PUDP: variants seen among roughly 807,000 people sequenced by gnomAD.
PUDP encodes pseudouridine-5'-phosphatase.
Under a neutral mutation model 9.4 loss-of-function variants are expected in PUDP, and 8 were observed. The observed-to-expected ratio is 0.85, with a 90% CI of 0.50 to 1.53. The LOEUF (loss-of-function observed/expected upper bound fraction) is 1.53. Ranked by LOEUF, PUDP falls within the 40% of genes most tolerant of loss-of-function variation. PUDP has a pLI of 0.00. For synonymous variants in PUDP, 99 were observed against 80.7 expected, an observed-to-expected ratio of 1.23 and a Z score of -1.22; for missense variants, 188 against 189.7, an observed-to-expected ratio of 0.99 and a Z score of 0.05.
At chrX:6,806,794 G>A (rs918066828) in intron 3 of PUDP, among the ~76,000 whole-genome samples, 2 of 112,746 alleles carry the variant, frequency 1.8e-5, no homozygotes, top group Non-Finnish European at 3.7e-5. Flanking sequence ...CCTGAGAGGA[G>A]AGAAGCCCAG....
chrX:6,747,506 T>C (rs774753359), intron 3 of PUDP, among the ~76,000 whole-genome samples: 6 of 112,589 alleles, frequency 5.3e-5, no homozygotes, highest in African/African-American at 1.9e-4. Context: ...GATCATTGGC[T>C]AATGTTAATT....
At chrX:6,832,860 C>A (rs980252178) in intron 3 of PUDP, among the ~76,000 whole-genome samples, 1 of 111,371 alleles carries the variant, frequency 9.0e-6, no homozygotes, top group Non-Finnish European at 1.9e-5. Flanking sequence ...GCTGTGGAGG[C>A]CCTTCTGCAC....
intron 3 of PUDP, among the ~76,000 whole-genome samples, chrX:6,735,327 T>A (rs183112539): frequency 1.0e-3 from 115 of 111,411 alleles, no homozygotes; most frequent in African/African-American, 3.3e-3. Flanking sequence ...CACACTGCCC[T>A]CTTCTCCAGA....
At chrX:6,758,287 C>T (rs1226427529) in intron 3 of PUDP, among the ~76,000 whole-genome samples, 1 of 110,413 alleles carries the variant, frequency 9.1e-6, no homozygotes, top group Non-Finnish European at 1.9e-5. Context: ...CAAGGTGATA[C>T]CCGGTCTCTA....
chrX:6,744,851 A>G (rs1043251683), intron 3 of PUDP, among the ~76,000 whole-genome samples: 1 of 112,232 alleles, frequency 8.9e-6, no homozygotes, highest in Non-Finnish European at 1.9e-5. Flanking sequence ...AAACCTAGAT[A>G]GATGGAAGCA....
chrX:6,737,006 G>GT (rs1488917416), intron 3 of PUDP, among the ~76,000 whole-genome samples: 10 of 111,342 alleles, frequency 9.0e-5, no homozygotes, highest in South Asian at 3.8e-4. Context: ...TAAAATAACA[G>GT]TTTTTTTAAA....
chrX:6,839,770 T>C (rs1038538114), intron 3 of PUDP, among the ~76,000 whole-genome samples: 3 of 111,247 alleles, frequency 2.7e-5, no homozygotes, highest in Non-Finnish European at 5.7e-5. Flanking sequence ...GTGGAAGGAA[T>C]GCAAAATAGT....
intron 3 of PUDP, among the ~76,000 whole-genome samples, chrX:6,848,114 C>G (rs1211798388): frequency 8.9e-6 from 1 of 111,859 alleles, no homozygotes; most frequent in African/African-American, 3.3e-5. Flanking sequence ...TAAACAATTA[C>G]AATTAATCCT....
chrX:6,815,343 G>C (rs1453197271), intron 3 of PUDP, among the ~76,000 whole-genome samples: 1 of 111,187 alleles, frequency 9.0e-6, no homozygotes, highest in Non-Finnish European at 1.9e-5. Context: ...TAAAGAAAAA[G>C]TAAAGGTATG....
At chrX:6,736,032 CAA>C (rs35503536) in intron 3 of PUDP, among the ~76,000 whole-genome samples, 148 of 88,125 alleles carry the variant, frequency 1.7e-3, no homozygotes, top group Admixed American at 1.4e-3. Context: ...GACTTTGTCT[CAA>C]AAAAAAAAAA....
intron 3 of PUDP, among the ~76,000 whole-genome samples, chrX:6,849,954 C>T (rs989190260): frequency 5.4e-5 from 6 of 111,962 alleles, no homozygotes; most frequent in African/African-American, 2.0e-4. Flanking sequence ...CATTCTATTT[C>T]TAGCATTGTA....
At chrX:6,816,954 G>A (rs1361061505) in intron 3 of PUDP, among the ~76,000 whole-genome samples, 2 of 91,896 alleles carry the variant, frequency 2.2e-5, no homozygotes, top group African/African-American at 8.3e-5. Context: ...TATACTATAT[G>A]TATATACAAT....
intron 1 of PUDP, among the ~76,000 whole-genome samples, chrX:7,107,706 T>C (rs1931926262): frequency 8.9e-6 from 1 of 112,208 alleles, no homozygotes; most frequent in Admixed American, 9.3e-5. Context: ...CATGTGACTG[T>C]AATCCCAGCT....
At chrX:6,871,543 T>C (rs1252795952) in intron 3 of PUDP, among the ~76,000 whole-genome samples, 4 of 111,906 alleles carry the variant, frequency 3.6e-5, no homozygotes, top group Non-Finnish European at 7.5e-5. Context: ...TCAAAGATAA[T>C]GACTGTCATT....
chrX:6,802,160 A>T (rs1056156031), intron 3 of PUDP, among the ~76,000 whole-genome samples: 1 of 111,820 alleles, frequency 8.9e-6, no homozygotes, highest in African/African-American at 3.3e-5. Context: ...TGCTTCTACT[A>T]TCTGACTTGA....
intron 3 of PUDP, among the ~76,000 whole-genome samples, chrX:6,895,603 G>A (rs1927579424): frequency 9.0e-6 from 1 of 110,575 alleles, no homozygotes; most frequent in Non-Finnish European, 1.9e-5. Flanking sequence ...TGGTCCCCAA[G>A]GAATGAGTCA....
chrX:6,858,790 C>A (rs898837679), intron 3 of PUDP, among the ~76,000 whole-genome samples: 1 of 111,765 alleles, frequency 8.9e-6, no homozygotes, highest in African/African-American at 3.3e-5. Context: ...GTGCCCATGG[C>A]ATGGGAAGTC....
At chrX:6,793,176 A>G (rs1925779862) in intron 3 of PUDP, among the ~76,000 whole-genome samples, 1 of 112,777 alleles carries the variant, frequency 8.9e-6, no homozygotes, top group Admixed American at 9.4e-5. Flanking sequence ...GAGACAGACT[A>G]TTAGGTTGGT....
chrX:6,725,472 A>C (rs182046229), upstream of PUDP, among the ~76,000 whole-genome samples: 121 of 111,487 alleles, frequency 1.1e-3, no homozygotes, highest in African/African-American at 3.7e-3. Flanking sequence ...CCCTCTTATA[A>C]ATGAGAATAT....
Sources: allele counts gnomAD v4.1 joint callset (sites outside exome capture counted in the v4.1 genomes callset), GRCh38; gene constraint gnomAD v4.1.1; transcripts MANE v1.5; gene names NCBI Gene and HGNC (gene_info 2026-07-23, HGNC 2026-07-21).